ENTREP2: variants seen among roughly 807,000 people sequenced by gnomAD.
ENTREP2 encodes endosomal transmembrane epsin interactor 2, also known as protein ENTREP2.
the ENTREP2 span, among the ~76,000 whole-genome samples, chr15:29,214,335 T>C: frequency 1.3e-5 from 2 of 152,176 alleles, no homozygotes; most frequent in Non-Finnish European, 2.9e-5. Flanking sequence ...GTGGCACATA[T>C]ACACCATGCA....
the ENTREP2 span, among the ~76,000 whole-genome samples, chr15:29,389,943 T>G: frequency 6.6e-6 from 1 of 151,806 alleles, no homozygotes; most frequent in Admixed American, 6.6e-5. Flanking sequence ...CTGACACAGG[T>G]CCAAATACGA....
the ENTREP2 span, among the ~76,000 whole-genome samples, chr15:29,333,782 G>C: frequency 6.6e-6 from 1 of 151,950 alleles, no homozygotes; most frequent in Non-Finnish European, 1.5e-5. Context: ...TTGGAAATAG[G>C]TTCACTGCAG....
the ENTREP2 span, among the ~76,000 whole-genome samples, chr15:29,218,308 C>G: frequency 6.6e-6 from 1 of 152,084 alleles, no homozygotes; most frequent in Non-Finnish European, 1.5e-5. Context: ...GGCCCTAGAA[C>G]TCCTAAGAGT....
the ENTREP2 span, among the ~76,000 whole-genome samples, chr15:29,210,266 C>A: frequency 2.0e-5 from 3 of 152,324 alleles, no homozygotes; most frequent in East Asian, 5.8e-4. Context: ...CTACAGCCAA[C>A]AGGTCAAACC....
the ENTREP2 span, chr15:29,124,600 T>C: frequency 6.9e-6 from 8 of 1,167,004 alleles, no homozygotes; most frequent in African/African-American, 1.1e-4. Flanking sequence ...GAGCTGCATT[T>C]GGAAACAATG....
At chr15:29,333,648 C>T in the ENTREP2 span, among the ~76,000 whole-genome samples, 2 of 152,128 alleles carry the variant, frequency 1.3e-5, no homozygotes, top group East Asian at 3.9e-4. Flanking sequence ...TTTTCTCTTA[C>T]TCCCCAAGGA....
chr15:29,402,265 T>TATATATATATATATATATATATATACAC, the ENTREP2 span, among the ~76,000 whole-genome samples: 159 of 137,820 alleles, frequency 1.2e-3, 4 homozygotes, highest in African/African-American at 3.9e-3. Flanking sequence ...TATATATATA[T>TATATATATATATATATATATATATACAC]ACACACACAT....
At chr15:29,159,611 G>GACACAC in the ENTREP2 span, among the ~76,000 whole-genome samples, 8 of 152,140 alleles carry the variant, frequency 5.3e-5, no homozygotes, top group African/African-American at 1.9e-4. Context: ...TCCTGAGCTA[G>GACACAC]ACACAAAAGT....
the ENTREP2 span, among the ~76,000 whole-genome samples, chr15:29,219,457 T>G: frequency 1.3e-5 from 2 of 151,568 alleles, no homozygotes; most frequent in South Asian, 4.2e-4. Flanking sequence ...GATCCAGCAA[T>G]CCCACTACTG....
chr15:29,255,569 C>T, the ENTREP2 span, among the ~76,000 whole-genome samples: 1 of 152,070 alleles, frequency 6.6e-6, no homozygotes, highest in Non-Finnish European at 1.5e-5. Context: ...AAAAACCCCA[C>T]CTTCACCCAT....
chr15:29,187,198 G>C, the ENTREP2 span, among the ~76,000 whole-genome samples: 1 of 152,134 alleles, frequency 6.6e-6, no homozygotes, highest in African/African-American at 2.4e-5. Flanking sequence ...AAATTTCTAA[G>C]TTAATATTTT....
chr15:29,269,568 C>T, the ENTREP2 span: 1 of 1,531,516 alleles, frequency 6.5e-7, no homozygotes, highest in African/African-American at 1.4e-5. Context: ...TGCTCGGGGC[C>T]TCCTCGGCAA....
the ENTREP2 span, among the ~76,000 whole-genome samples, chr15:29,613,007 C>G: frequency 0.026 from 4,007 of 152,268 alleles, 74 homozygotes; most frequent in Non-Finnish European, 0.038. Flanking sequence ...CCTGAATTTC[C>G]TCTGCATGTT....
the ENTREP2 span, chr15:29,196,375 C>A: frequency 6.5e-7 from 1 of 1,529,974 alleles, no homozygotes; most frequent in Non-Finnish European, 8.8e-7. Flanking sequence ...GCTTCCTAAA[C>A]TGTCTGTAAG....
chr15:29,494,808 T>C, the ENTREP2 span, among the ~76,000 whole-genome samples: 1 of 152,206 alleles, frequency 6.6e-6, no homozygotes, highest in Admixed American at 6.5e-5. Flanking sequence ...CCTCCAGGCT[T>C]ATCCATGTTG....
the ENTREP2 span, among the ~76,000 whole-genome samples, chr15:29,561,581 G>A: frequency 4.3e-4 from 65 of 151,980 alleles, no homozygotes; most frequent in Middle Eastern, 3.2e-3. Context: ...CCAGCTACTC[G>A]GGAGGCTGAG....
chr15:29,160,417 C>T, the ENTREP2 span, among the ~76,000 whole-genome samples: 131 of 152,248 alleles, frequency 8.6e-4, no homozygotes, highest in African/African-American at 3.1e-3. Flanking sequence ...GCTGCGAGGA[C>T]TGCCAGCACG....
At chr15:29,483,664 A>C in the ENTREP2 span, among the ~76,000 whole-genome samples, 27 of 152,236 alleles carry the variant, frequency 1.8e-4, no homozygotes, top group African/African-American at 6.5e-4. Flanking sequence ...TTATTTAATC[A>C]AGACTACACT....
chr15:29,210,828 G>A, the ENTREP2 span, among the ~76,000 whole-genome samples: 4,384 of 152,236 alleles, frequency 0.029, 219 homozygotes, highest in African/African-American at 0.1. Flanking sequence ...GCATCCCACC[G>A]TAATGGACTA....
Sources: gnomAD v4.1 joint callset for allele counts (sites outside exome capture counted in the v4.1 genomes callset) on GRCh38, gnomAD v4.1.1 for gene constraint, MANE v1.5 for transcripts, NCBI Gene and HGNC (gene_info 2026-07-23, HGNC 2026-07-21) for gene names.